The following KIF26B variants were observed in gnomAD, a reference collection of about 807,000 sequenced individuals.
KIF26B encodes the protein kinesin-like protein KIF26B.
A neutral mutation model predicts 151.2 loss-of-function variants in KIF26B; 63 were observed. That is an observed-to-expected ratio of 0.42 (90% CI 0.34 to 0.51). KIF26B has a LOEUF of 0.51. KIF26B is among the 20% of genes least tolerant of loss of function. The pLI is 0.07. For missense variants in KIF26B, 2,813 were observed against 2,913.6 expected (o/e 0.97, Z 0.79); for synonymous variants, 1,357 against 1,262.1 (o/e 1.08, Z -1.59).
intron 5 of KIF26B, among the ~76,000 whole-genome samples, chr1:245,573,915 G>A (rs1427605970): frequency 2.6e-5 from 4 of 152,154 alleles, no homozygotes; most frequent in African/African-American, 4.8e-5. Flanking sequence ...AAATGAGATG[G>A]GGTGAAATTT....
intron 2 of KIF26B, among the ~76,000 whole-genome samples, chr1:245,189,884 G>A (rs191363228): frequency 9.2e-5 from 14 of 152,338 alleles, no homozygotes; most frequent in South Asian, 2.1e-4. Flanking sequence ...TGAAAGTCAC[G>A]TCTTACATGG....
chr1:245,525,707 A>G (rs1329630845), intron 4 of KIF26B, among the ~76,000 whole-genome samples: 2 of 152,232 alleles, frequency 1.3e-5, no homozygotes, highest in Non-Finnish European at 2.9e-5. Flanking sequence ...TCTGATTTAG[A>G]GAACAAGTAT....
chr1:245,626,746 C>T (rs2043728808), intron 9 of KIF26B, among the ~76,000 whole-genome samples: 1 of 152,134 alleles, frequency 6.6e-6, no homozygotes, highest in African/African-American at 2.4e-5. Context: ...ATACTCCAAT[C>T]TTTCTAATTT....
chr1:245,551,908 T>C (rs575165254), intron 5 of KIF26B, among the ~76,000 whole-genome samples: 2 of 152,276 alleles, frequency 1.3e-5, no homozygotes, highest in Admixed American at 6.5e-5. Context: ...TTTCTCCTCA[T>C]TGCATTCATC....
chr1:245,216,701 C>G (rs952325667), intron 2 of KIF26B, among the ~76,000 whole-genome samples: 3 of 152,134 alleles, frequency 2.0e-5, no homozygotes, highest in Non-Finnish European at 2.9e-5. Flanking sequence ...GCTGCTCTCC[C>G]TGGAAATAGG....
intron 4 of KIF26B, among the ~76,000 whole-genome samples, chr1:245,424,219 G>A (rs185489582): frequency 0.011 from 1,610 of 151,954 alleles, 39 homozygotes; most frequent in African/African-American, 0.036. Flanking sequence ...GCAGTGGCGC[G>A]ATCTCCGCTC....
At chr1:245,561,867 G>C (rs944177022) in intron 5 of KIF26B, among the ~76,000 whole-genome samples, 13 of 152,178 alleles carry the variant, frequency 8.5e-5, no homozygotes, top group African/African-American at 2.9e-4. Context: ...CAGTCCACCT[G>C]ATTCTCACTA....
At chr1:245,487,827 G>A (rs879339722) in intron 4 of KIF26B, among the ~76,000 whole-genome samples, 5 of 147,236 alleles carry the variant, frequency 3.4e-5, no homozygotes, top group African/African-American at 1.3e-4. Context: ...CATTTCAGAC[G>A]CGCCAGGCTG....
intron 3 of KIF26B, among the ~76,000 whole-genome samples, chr1:245,384,881 G>A (rs187204094): frequency 2.9e-3 from 448 of 152,316 alleles, no homozygotes; most frequent in Admixed American, 5.0e-3. Context: ...GTTTAGGACT[G>A]TTCATATTAA....
chr1:245,230,630 C>G (rs1425389180), intron 2 of KIF26B, among the ~76,000 whole-genome samples: 1 of 151,922 alleles, frequency 6.6e-6, no homozygotes, highest in Non-Finnish European at 1.5e-5. Context: ...GTAATCCCAG[C>G]TACTCGGGAG....
At chr1:245,228,777 G>A (rs1231191937) in intron 2 of KIF26B, among the ~76,000 whole-genome samples, 1 of 152,088 alleles carries the variant, frequency 6.6e-6, no homozygotes, top group Non-Finnish European at 1.5e-5. Context: ...AATGTAGCAG[G>A]TTGCTTCACC....
intron 4 of KIF26B, among the ~76,000 whole-genome samples, chr1:245,520,352 TG>T (rs1288650782): frequency 6.6e-6 from 1 of 152,210 alleles, no homozygotes; most frequent in African/African-American, 2.4e-5. Flanking sequence ...AAACACATGT[TG>T]GACACAGACT....
intron 5 of KIF26B, among the ~76,000 whole-genome samples, chr1:245,548,383 A>G (rs1266165519): frequency 7.2e-5 from 11 of 152,186 alleles, no homozygotes. Context: ...AATGAGGCAG[A>G]AACAGTGAAA....
intron 2 of KIF26B, among the ~76,000 whole-genome samples, chr1:245,211,058 T>G (rs752098769): frequency 3.3e-5 from 5 of 152,142 alleles, no homozygotes; most frequent in Non-Finnish European, 7.4e-5. Flanking sequence ...GTATAGGCCT[T>G]GTGTCTTCTT....
intron 2 of KIF26B, among the ~76,000 whole-genome samples, chr1:245,173,483 C>T (rs1202580738): frequency 6.6e-6 from 1 of 152,116 alleles, no homozygotes; most frequent in Admixed American, 6.5e-5. Context: ...CATGGTAATA[C>T]GTACAATCTG....
chr1:245,184,050 G>GTTTGTTTTTTTTTTTTTTTTTTTTTTT (rs1668954964), intron 2 of KIF26B, among the ~76,000 whole-genome samples: 8 of 19,804 alleles, frequency 4.0e-4, no homozygotes, highest in African/African-American at 1.2e-3. Context: ...GGGAGTTGTT[G>GTTTGTTTTTTTTTTTTTTTTTTTTTTT]TTTTTTTTTT....
At chr1:245,335,801 G>GA (rs1672212968) in intron 2 of KIF26B, among the ~76,000 whole-genome samples, 1 of 120,266 alleles carries the variant, frequency 8.3e-6, no homozygotes, top group Non-Finnish European at 1.7e-5. Context: ...GGGAAAGGAA[G>GA]GTCCCACGCA....
chr1:245,326,024 G>A (rs1223618590), intron 2 of KIF26B, among the ~76,000 whole-genome samples: 2 of 152,144 alleles, frequency 1.3e-5, no homozygotes, highest in African/African-American at 2.4e-5. Flanking sequence ...TTGATGCAGG[G>A]CAGTGGGCAG....
chr1:245,328,926 T>C (rs1048414755), intron 2 of KIF26B, among the ~76,000 whole-genome samples: 1 of 152,258 alleles, frequency 6.6e-6, no homozygotes, highest in African/African-American at 2.4e-5. Flanking sequence ...ACCCACATTC[T>C]GTGATTCATT....
Sources: allele counts gnomAD v4.1 joint callset (sites outside exome capture counted in the v4.1 genomes callset), GRCh38; gene constraint gnomAD v4.1.1; transcripts MANE v1.5; gene names NCBI Gene and HGNC (gene_info 2026-07-23, HGNC 2026-07-21).